The following RNF17 variants were observed in gnomAD, a reference collection of about 807,000 sequenced individuals.
The protein encoded by RNF17 is ring finger protein 17, also known as spermatogenesis associated 23.
A neutral mutation model predicts 200.5 loss-of-function variants in RNF17; 31 were observed. The observed-to-expected ratio is 0.15, with a 90% CI of 0.12 to 0.21. RNF17 has a LOEUF of 0.21. Among genes scored for constraint, RNF17 ranks in the 10% least tolerant of loss-of-function variants. The probability of loss-of-function intolerance (pLI) is 1.00; values close to 1 mark genes in which losing one functional copy is unlikely to be tolerated. For missense variants in RNF17, 1,628 were observed against 1,905.1 expected (o/e 0.85, Z 2.71); for synonymous variants, 606 against 637.8 (o/e 0.95, Z 0.75).
chr13:24,767,174 A>C lies in RNF17; in HGVS notation c.131-98A>C, dbSNP rs550009822. On this transcript the variant is annotated intron_variant, in intron 1 of 35. Transcript: ENST00000255324. ...AGCCCAAGAGGTGGAGGCTGCAGTG[A>C]GCTGGTGCCACTACACTCCAGCTTG... The C allele has an allele frequency of 4.1e-5, 31 of 761,042 alleles. No individual in the cohort carries two copies. The East Asian group carries it at 4.9e-4, about 12-fold the overall frequency. 47.1% of individuals were successfully genotyped at this position (761,042 alleles called of 1,614,324 possible). A position where few individuals can be genotyped will look rare whatever the true frequency, so the allele number is the denominator to read the frequency against.
At chr13:24,772,711 C>T (rs777891776) in intron 2 of RNF17, among the ~76,000 whole-genome samples, 139 of 151,752 alleles carry the variant, frequency 9.2e-4, no homozygotes, top group Non-Finnish European at 1.8e-3. Context: ...CCCAGGTTCA[C>T]GCCATTCTCC....
At chr13:24,828,770 CAT>C (rs1291031763) in intron 16 of RNF17, among the ~76,000 whole-genome samples, 1 of 151,156 alleles carries the variant, frequency 6.6e-6, no homozygotes, top group African/African-American at 2.4e-5. Flanking sequence ...AACCATTTTC[CAT>C]ATGATAAATG....
intron 15 of RNF17, among the ~76,000 whole-genome samples, chr13:24,817,044 A>C (rs1887491525): frequency 6.6e-6 from 1 of 152,176 alleles, no homozygotes; most frequent in African/African-American, 2.4e-5. Context: ...TTCATTGAGG[A>C]TATTTGCATC....
rs147950894 is a variant in RNF17 at position 24,857,631 on chromosome 13, G to A, written c.3611-1370G>A. ...GAAAAAAGAATACAGGCTGGGTGCG[G>A]TGGCTTACGCCTGTAATCTCAGCAC... On this transcript the variant is annotated intron_variant, in intron 25 of 35. Coordinates refer to ENST00000255324, the MANE Select transcript of RNF17 (RefSeq NM_031277.3). Among the ~76,000 whole-genome samples, 253 of 152,324 alleles carry A rather than the reference G, an allele frequency of 1.7e-3. 1 individual carries two copies. The highest frequency in any genetic ancestry group is 5.7e-3 in the African/African-American group (238 of 41,570).
Position 24,767,254 on chromosome 13 carries a change from T to G in RNF17, c.131-18T>G. On this transcript the variant is annotated intron_variant, in intron 1 of 35. Transcript: ENST00000255324. ...TCATCATCATCATCAAAATAATAAT[T>G]AAGAATTTCATCAATAGGTCACCAT... 1 of 1,526,948 alleles carries G rather than the reference T, an allele frequency of 6.5e-7. No homozygotes were observed. Among genetic ancestry groups the G allele is most frequent in the Non-Finnish European group, 9.1e-7 (1 of 1,103,362 alleles). The allele number at this position is 1,526,948 out of a possible 1,614,324, so 94.6% of individuals were successfully genotyped here.
At chr13:24,883,421 AAAC>A (rs769560581), downstream of RNF17, 5 of 1,403,738 alleles carry the variant, frequency 3.6e-6, no homozygotes, top group South Asian at 2.6e-5. Flanking sequence ...AATAGAAAAT[AAAC>A]AACAGAAAAA....
chr13:24,854,200 G>T (rs1244075566), intron 25 of RNF17, 56 bp downstream of exon 25: 4 of 1,366,592 alleles, frequency 2.9e-6, no homozygotes, highest in Non-Finnish European at 4.0e-6. Flanking sequence ...GACAGGGATT[G>T]AAATACTTTG....
intron 3 of RNF17, 108 bp downstream of exon 3, chr13:24,775,012 G>C: frequency 1.5e-6 from 1 of 687,582 alleles, no homozygotes; most frequent in East Asian, 2.9e-5. Flanking sequence ...CTAACCTACT[G>C]TTTATGGAAT....
chr13:24,762,292 C>T (rs1227822922), upstream of RNF17, among the ~76,000 whole-genome samples: 1 of 148,458 alleles, frequency 6.7e-6, no homozygotes, highest in Non-Finnish European at 1.5e-5. Context: ...ATTGCTTGAA[C>T]CCGGAGACCA....
At chr13:24,784,964 C>T (rs1255457224) in intron 6 of RNF17, among the ~76,000 whole-genome samples, 1 of 152,160 alleles carries the variant, frequency 6.6e-6, no homozygotes, top group African/African-American at 2.4e-5. Flanking sequence ...GCCTCGGCCT[C>T]CCAAAGTGCT....
intron 30 of RNF17, 107 bp from the exon 31 acceptor site, chr13:24,868,493 A>ACAAAAAAAAAAAAAAAG (rs1893909187): frequency 3.6e-6 from 1 of 275,156 alleles, no homozygotes. Context: ...AAAAAAAAAA[A>ACAAAAAAAAAAAAAAAG]CTTGCTTTCT....
intron 34 of RNF17, among the ~76,000 whole-genome samples, chr13:24,877,556 G>T (rs1264795332): frequency 6.6e-6 from 1 of 152,122 alleles, no homozygotes; most frequent in Non-Finnish European, 1.5e-5. Flanking sequence ...TTTGTGGGTG[G>T]GGGAAGCGTA....
chr13:24,783,117 C>A (rs535996113), intron 6 of RNF17, among the ~76,000 whole-genome samples: 6 of 152,146 alleles, frequency 3.9e-5, no homozygotes, highest in Non-Finnish European at 8.8e-5. Flanking sequence ...AGTTGGATAT[C>A]CAGTTTTCCC....
At chr13:24,879,132 GA>G in intron 34 of RNF17, 54 bp from the exon 35 acceptor site, 9 of 1,357,608 alleles carry the variant, frequency 6.6e-6, no homozygotes, top group Admixed American at 1.7e-5. Flanking sequence ...ATATGAGAGG[GA>G]AAAGGCAGCA....
intron 19 of RNF17, among the ~76,000 whole-genome samples, chr13:24,842,977 A>C (rs1890815025): frequency 6.7e-6 from 1 of 150,170 alleles, no homozygotes; most frequent in African/African-American, 2.5e-5. Flanking sequence ...ACAGAGCAAG[A>C]CTCTGTCTAA....
chr13:24,881,136 G>T (rs913048802), downstream of RNF17, among the ~76,000 whole-genome samples: 3 of 151,602 alleles, frequency 2.0e-5, no homozygotes. Flanking sequence ...TGACAGAAAT[G>T]TTCGTTCATT....
intron 1 of RNF17, among the ~76,000 whole-genome samples, chr13:24,765,101 C>T (rs372682043): frequency 6.6e-5 from 10 of 152,198 alleles, no homozygotes; most frequent in African/African-American, 2.4e-4. Flanking sequence ...CTGCAAGCTC[C>T]GCCTCCCAGG....
At chr13:24,764,381 C>A in intron 1 of RNF17, 48 bp downstream of exon 1, 1 of 1,517,352 alleles carries the variant, frequency 6.6e-7, no homozygotes, top group Non-Finnish European at 8.9e-7. Flanking sequence ...CTGGAGGGAG[C>A]GCTGGGGGCC....
intron 6 of RNF17, among the ~76,000 whole-genome samples, chr13:24,785,738 A>G (rs538543075): frequency 6.6e-6 from 1 of 152,292 alleles, no homozygotes; most frequent in South Asian, 2.1e-4. Context: ...TTTCCCTTTA[A>G]TTCTGCAAAT....
Sources: gnomAD v4.1 joint callset for allele counts (sites outside exome capture counted in the v4.1 genomes callset) on GRCh38, gnomAD v4.1.1 for gene constraint, MANE v1.5 for transcripts, NCBI Gene and HGNC (gene_info 2026-07-23, HGNC 2026-07-21) for gene names.